The following EOGT variants were observed in gnomAD, a reference collection of about 807,000 sequenced individuals.
EOGT encodes EGF domain specific O-linked N-acetylglucosamine transferase, also known as EGF domain-specific O-linked N-acetylglucosamine transferase.
Under a neutral mutation model 70.5 loss-of-function variants are expected in EOGT, and 55 were observed. The observed-to-expected ratio is 0.78, with a 90% CI of 0.63 to 0.98. EOGT has a LOEUF of 0.98. EOGT is among the 50% of genes least tolerant of loss of function. The pLI is 0.00. For synonymous variants in EOGT, 246 were observed against 217.1 expected (o/e 1.13, Z -1.17); for missense variants, 703 against 641.9 (o/e 1.10, Z -1.03).
chr3:68,976,191 T>G lies in EOGT; in HGVS notation c.*1427A>C, dbSNP rs1361823383. ...CTTTCATTGAATAAGTCACATGTCTTTAGTTTGTTTTTTCTTGGTCTTACT... is the reference window on the plus strand; with the variant it reads ...CTTTCATTGAATAAGTCACATGTCTGTAGTTTGTTTTTTCTTGGTCTTACT... On this transcript the variant is annotated 3_prime_UTR_variant, in exon 18 of 18. Coordinates refer to ENST00000383701, the MANE Select transcript of EOGT (RefSeq NM_001278689.2). The G allele has an allele frequency of 1.3e-5, 2 of 151,934 alleles. No individual in the cohort carries two copies. The highest frequency in any genetic ancestry group is 4.8e-5 in the African/African-American group (2 of 41,420). 9.4% of individuals were successfully genotyped at this position (151,934 alleles called of 1,614,324 possible).
intron 14 of EOGT, among the ~76,000 whole-genome samples, chr3:68,983,689 C>T (rs570958018): frequency 2.6e-5 from 4 of 152,320 alleles, no homozygotes; most frequent in South Asian, 2.1e-4. Flanking sequence ...AGTGGCTGGG[C>T]GCAGTGGCTC....
At chr3:68,980,997 T>G (rs2090623765) in intron 15 of EOGT, among the ~76,000 whole-genome samples, 1 of 152,178 alleles carries the variant, frequency 6.6e-6, no homozygotes, top group Non-Finnish European at 1.5e-5. Flanking sequence ...CCCAGCCTCA[T>G]CTAGGTGAAT....
At chr3:69,013,154 G>C (rs886183106) in intron 1 of EOGT, among the ~76,000 whole-genome samples, 3 of 152,068 alleles carry the variant, frequency 2.0e-5, no homozygotes, top group Non-Finnish European at 2.9e-5. Context: ...GAGACGCCGC[G>C]CTGGGGTTCC....
In EOGT at chr3:68,977,550, T is replaced by C; in HGVS notation, c.*68A>G. On this transcript the variant is annotated 3_prime_UTR_variant, in exon 18 of 18. Coordinates refer to ENST00000383701, the MANE Select transcript of EOGT (RefSeq NM_001278689.2). ...GATAGGAAATAACAGATTGCTTTACTGATTTAATTCTAAGTCTGGGTGTTG... is the reference window on the plus strand; with the variant it reads ...GATAGGAAATAACAGATTGCTTTACCGATTTAATTCTAAGTCTGGGTGTTG... 6.6e-7 allele frequency: 1 copy of C among 1,524,822 alleles called. No individual in the cohort carries two copies. Among genetic ancestry groups the C allele is most frequent in the Non-Finnish European group, 9.0e-7 (1 of 1,111,070 alleles). The allele number at this position is 1,524,822 out of a possible 1,614,324, so 94.5% of individuals were successfully genotyped here.
intron 3 of EOGT, 74 bp from the exon 4 acceptor site, chr3:69,009,934 A>AAC (rs1491143279): frequency 4.0e-4 from 149 of 376,774 alleles, no homozygotes; most frequent in African/African-American, 2.0e-3. Flanking sequence ...CAACAACAAC[A>AAC]AAAAAAAAAA....
At chr3:68,984,448 A>G (rs1401201269) in intron 14 of EOGT, among the ~76,000 whole-genome samples, 1 of 152,208 alleles carries the variant, frequency 6.6e-6, no homozygotes, top group Non-Finnish European at 1.5e-5. Context: ...CATGACTTCT[A>G]GTTGCACGAA....
At chr3:68,986,030 T>C (rs2107196760) in intron 14 of EOGT, among the ~76,000 whole-genome samples, 1 of 152,300 alleles carries the variant, frequency 6.6e-6, no homozygotes. Context: ...CAACATGGCA[T>C]CTCTCTGGCC....
chr3:69,004,400 G>C lies in EOGT; in HGVS notation c.598C>G (p.Arg200Gly), dbSNP rs113798372. Residue 200 changes from arginine to glycine, a missense_variant, in exon 8 of 18, where the codon CGC (arginine) becomes GGC (glycine). Arg to Gly is a moderately radical substitution (Grantham distance 125). Transcript: ENST00000383701. ...DIRTLTSEGQ[R>G]KSPLQSWFAE... ...TACCATGACTGCAGAGGGCTTTTGC[G>C]CTGACCTTCAGACGTCAATGTACGG... is the stretch of plus-strand genomic sequence containing the variant. 12 of 1,613,606 alleles carry C rather than the reference G, an allele frequency of 7.4e-6. No individual in the cohort carries two copies. The highest frequency in any genetic ancestry group is 1.0e-5 in the Non-Finnish European group (12 of 1,179,698).
intron 8 of EOGT, among the ~76,000 whole-genome samples, chr3:69,003,407 G>A (rs571972700): frequency 6.6e-6 from 1 of 152,076 alleles, no homozygotes; most frequent in Non-Finnish European, 1.5e-5. Flanking sequence ...TGAATCATGG[G>A]GGTGGGTTTT....
chr3:68,986,464 C>T (rs1388236315), intron 14 of EOGT, among the ~76,000 whole-genome samples: 1 of 152,172 alleles, frequency 6.6e-6, no homozygotes, highest in African/African-American at 2.4e-5. Context: ...ATCTGTGGCC[C>T]CCTGCACCAT....
chr3:68,977,915 A>G, intron 17 of EOGT, 151 bp from the exon 18 acceptor site: 2 of 761,472 alleles, frequency 2.6e-6, no homozygotes, highest in South Asian at 2.0e-5. Context: ...CAGATGATAA[A>G]TATTTTCAGC....
intron 4 of EOGT, 51 bp downstream of exon 4, chr3:69,009,586 C>T (rs553902424): frequency 2.1e-6 from 3 of 1,445,180 alleles, no homozygotes; most frequent in South Asian, 2.3e-5. Flanking sequence ...ACCTGTAAGC[C>T]AGCTGAAATT....
chr3:68,977,559 T>C lies in EOGT; in HGVS notation c.*59A>G. On this transcript the variant is annotated 3_prime_UTR_variant, in exon 18 of 18. Coordinates refer to ENST00000383701, the MANE Select transcript of EOGT (RefSeq NM_001278689.2). ...TAACAGATTGCTTTACTGATTTAAT[T>C]CTAAGTCTGGGTGTTGGAGTGTTTA... The C allele has an allele frequency of 2.6e-6, 4 of 1,561,810 alleles. No individual in the cohort carries two copies. The highest frequency in any genetic ancestry group is 3.5e-6 in the Non-Finnish European group (4 of 1,143,514).
chr3:69,008,406 G>C (rs779852907), intron 5 of EOGT, 22 bp downstream of exon 5: 10 of 1,515,162 alleles, frequency 6.6e-6, no homozygotes, highest in African/African-American at 2.7e-5. Flanking sequence ...ACTTGAAGAG[G>C]GTATTCCATA....
Position 68,988,513 on chromosome 3 carries a change from G to C in EOGT, c.989C>G (p.Thr330Ser), listed in dbSNP as rs755986408. 6.5e-7 allele frequency: 1 copy of C among 1,531,610 alleles called. No individual in the cohort carries two copies. Among genetic ancestry groups the C allele is most frequent in the Admixed American group, 2.0e-5 (1 of 50,838 alleles). 94.9% of individuals were successfully genotyped at this position (1,531,610 alleles called of 1,614,324 possible). Residue 330 changes from threonine (T) to serine (S), a missense_variant, in exon 12 of 18, where the codon ACT becomes AGT. Transcript: ENST00000383701. ...GGTAGACAATGTGCTTACCAGAGGAGTATTATAGAACAGCCCATACCTCAT... is the reference window on the plus strand; with the variant it reads ...GGTAGACAATGTGCTTACCAGAGGACTATTATAGAACAGCCCATACCTCAT... ...PRMRYGLFYNTPLISGCQNTG... is the reference protein window; with the variant it reads ...PRMRYGLFYNSPLISGCQNTG...
In EOGT at chr3:68,995,483, A is replaced by G. The variant is rs534921284; in HGVS notation, c.831+2528T>C. 4.6e-5 allele frequency among the ~76,000 whole-genome samples: 7 copies of G among 152,280 alleles called. No homozygotes were observed. The East Asian group carries it at 1.4e-3, about 29-fold the overall frequency. On this transcript the variant is annotated intron_variant, in intron 10 of 17. Transcript: ENST00000383701. ...ATCCTGCTTAACTGTGCCAGAGCTG[A>G]GGTCAGACTGCCCTCATGTCTCATG...
At chr3:68,982,940 C>T in intron 14 of EOGT, 68 bp from the exon 15 acceptor site, 10 of 1,205,306 alleles carry the variant, frequency 8.3e-6, no homozygotes, top group Middle Eastern at 2.2e-4. Flanking sequence ...CCTTATGAGT[C>T]CTAAAATTTC....
intron 11 of EOGT, 37 bp from the exon 12 acceptor site, chr3:68,988,614 G>C (rs1215368299): frequency 3.0e-6 from 4 of 1,319,570 alleles, no homozygotes; most frequent in Non-Finnish European, 4.1e-6. Context: ...GATGTAATTT[G>C]CACCCTTCAC....
intron 15 of EOGT, among the ~76,000 whole-genome samples, chr3:68,982,172 G>C (rs1284904153): frequency 2.0e-5 from 3 of 152,118 alleles, no homozygotes; most frequent in Non-Finnish European, 4.4e-5. Flanking sequence ...GTCTCCCAAA[G>C]TGCTAGGATT....
Sources: allele counts gnomAD v4.1 joint callset (sites outside exome capture counted in the v4.1 genomes callset), GRCh38; gene constraint gnomAD v4.1.1; transcripts MANE v1.5; gene names NCBI Gene and HGNC (gene_info 2026-07-23, HGNC 2026-07-21).